Variants in SMKR1 observed in about 807,000 individuals in gnomAD.
SMKR1 encodes small lysine-rich protein 1.
SMKR1 carries 4 observed loss-of-function variants against 4.0 expected under a neutral mutation model. That is an observed-to-expected ratio of 1.00 (90% CI 0.49 to 2.30). SMKR1 has a LOEUF of 2.30. Ranked by LOEUF, SMKR1 falls within the 30% of genes most tolerant of loss-of-function variation. The probability of loss-of-function intolerance (pLI) is 0.02; values close to 1 mark genes in which losing one functional copy is unlikely to be tolerated. For missense variants in SMKR1, 56 were observed against 81.8 expected (o/e 0.68, Z 1.22); for synonymous variants, 38 against 32.5 (o/e 1.17, Z -0.58).
chr7:129,507,713 C>T (rs1296334015), intron 1 of SMKR1, among the ~76,000 whole-genome samples: 1 of 152,178 alleles, frequency 6.6e-6, no homozygotes, highest in South Asian at 2.1e-4. Context: ...TGACTTGAGC[C>T]ATTCCAAAAT....
chr7:129,512,067 C>G (rs1161599054), intron 1 of SMKR1, among the ~76,000 whole-genome samples, 180 bp from the exon 2 acceptor site: 2 of 151,964 alleles, frequency 1.3e-5, no homozygotes, highest in African/African-American at 4.8e-5. Context: ...CCTTGTAATC[C>G]CAGCTACTTG....
chr7:129,512,554 A>T lies in SMKR1; in HGVS notation c.*113A>T, dbSNP rs541225878. 1.9e-6 allele frequency: 2 copies of T among 1,061,578 alleles called. No homozygotes were observed. The highest frequency in any genetic ancestry group is 5.2e-4 in the Middle Eastern group (2 of 3,846). 65.8% of individuals were successfully genotyped at this position (1,061,578 alleles called of 1,614,324 possible). On this transcript the variant is annotated 3_prime_UTR_variant, in exon 2 of 2. Coordinates refer to ENST00000462322, the MANE Select transcript of SMKR1 (RefSeq NM_001195243.2). ...TTTACTCCAGACGACTTGAGATGCAAATTAAGTGTGCTTTTCTGTGATGGT... is the reference window on the plus strand; with the variant it reads ...TTTACTCCAGACGACTTGAGATGCATATTAAGTGTGCTTTTCTGTGATGGT...
At position 129,512,305 on chromosome 7, in the gene SMKR1, A is replaced by T. The variant is rs1380577584; in HGVS notation, c.62A>T (p.Lys21Ile). 2.6e-6 allele frequency: 4 copies of T among 1,535,494 alleles called. No homozygotes were observed. The Admixed American group carries it at 7.9e-5, about 30-fold the overall frequency. The part of the protein sequence containing the change: ...QGKSHGKKQK[K>I]PEVDILSPAA... ...AAGTCTCATGGGAAGAAACAGAAGA[A>T]ACCAGAAGTGGACATTCTCAGCCCC... Residue 21 changes from lysine to isoleucine, a missense_variant, in exon 2 of 2, where the codon AAA (lysine) becomes ATA (isoleucine). Physicochemically the swap from Lys to Ile is moderately radical, Grantham distance 102. Transcript: ENST00000462322.
At chr7:129,510,324 G>A (rs929367923) in intron 1 of SMKR1, among the ~76,000 whole-genome samples, 4 of 152,210 alleles carry the variant, frequency 2.6e-5, no homozygotes, top group African/African-American at 4.8e-5. Flanking sequence ...AATAGACACC[G>A]AGCCTGGTGG....
chr7:129,503,316 C>A (rs1035256396), intron 1 of SMKR1, among the ~76,000 whole-genome samples: 3 of 152,172 alleles, frequency 2.0e-5, no homozygotes, highest in African/African-American at 7.2e-5. Flanking sequence ...TCCTTCCAAC[C>A]CTCGCTGCTC....
chr7:129,511,102 G>T (rs148373242), intron 1 of SMKR1, among the ~76,000 whole-genome samples: 2 of 152,152 alleles, frequency 1.3e-5, no homozygotes, highest in African/African-American at 4.8e-5. Context: ...GAGCCACCGC[G>T]CCCAGCCTAT....
chr7:129,503,512 C>A (rs1799433181), intron 1 of SMKR1, among the ~76,000 whole-genome samples: 2 of 152,216 alleles, frequency 1.3e-5, no homozygotes, highest in Admixed American at 6.5e-5. Flanking sequence ...AACAAAAACC[C>A]TGCATCCCAC....
At position 129,504,052 on chromosome 7, in the gene SMKR1, G is replaced by A. The variant is rs555066321; in HGVS notation, c.3+1225G>A. Among the ~76,000 whole-genome samples, 16 of 152,090 alleles carry A rather than the reference G, an allele frequency of 1.1e-4. No homozygotes were observed. In the East Asian group the frequency reaches 2.5e-3, roughly 24 times the overall value. On this transcript the variant is annotated intron_variant, in intron 1 of 1. Coordinates refer to ENST00000462322, the MANE Select transcript of SMKR1 (RefSeq NM_001195243.2). ...CATGTTGCCCAGGCTGGTCTCAAAC[G>A]CCTGGGCTCAAGGGATCCGCCCGCC...
chr7:129,509,903 G>A (rs185446769), intron 1 of SMKR1, among the ~76,000 whole-genome samples: 6 of 152,258 alleles, frequency 3.9e-5, no homozygotes, highest in Admixed American at 2.6e-4. Context: ...TTTTTTGACC[G>A]CAATGCTGTG....
chr7:129,506,311 G>A (rs1036998784), intron 1 of SMKR1, among the ~76,000 whole-genome samples: 1 of 152,096 alleles, frequency 6.6e-6, no homozygotes, highest in Admixed American at 6.6e-5. Context: ...ACATGGTGGT[G>A]CAAATCTGTA....
intron 1 of SMKR1, among the ~76,000 whole-genome samples, chr7:129,509,866 A>G (rs1023125514): frequency 6.6e-6 from 1 of 152,222 alleles, no homozygotes; most frequent in Non-Finnish European, 1.5e-5. Flanking sequence ...CACATGAACT[A>G]TGTTCCTCTT....
At chr7:129,508,492 A>G (rs879462825) in intron 1 of SMKR1, among the ~76,000 whole-genome samples, 1 of 152,096 alleles carries the variant, frequency 6.6e-6, no homozygotes, top group African/African-American at 2.4e-5. Context: ...CCCAGGCTGG[A>G]GTGCAGTGGC....
intron 1 of SMKR1, among the ~76,000 whole-genome samples, chr7:129,510,266 T>C (rs954651867): frequency 2.6e-5 from 4 of 152,228 alleles, no homozygotes; most frequent in African/African-American, 7.2e-5. Context: ...ATGGTATCCA[T>C]TTATTTTCCC....
chr7:129,508,744 GGTTCTTTTTTCCTAA>G (rs1799494535), intron 1 of SMKR1, among the ~76,000 whole-genome samples: 1 of 152,038 alleles, frequency 6.6e-6, no homozygotes, highest in African/African-American at 2.4e-5. Flanking sequence ...GCACACAGCC[GGTTCTTTTTTCCTAA>G]GTCCGCTTTT....
chr7:129,507,005 C>G (rs1365713693), intron 1 of SMKR1, among the ~76,000 whole-genome samples: 1 of 151,336 alleles, frequency 6.6e-6, no homozygotes, highest in Non-Finnish European at 1.5e-5. Context: ...CATACCACCA[C>G]CACATCTGAC....
chr7:129,506,143 T>G (rs143470340), intron 1 of SMKR1, among the ~76,000 whole-genome samples: 2 of 152,308 alleles, frequency 1.3e-5, no homozygotes, highest in East Asian at 3.9e-4. Flanking sequence ...AAATTTTACA[T>G]GTTTAAAATG....
Position 129,505,539 on chromosome 7 carries a change from C to T in SMKR1, c.3+2712C>T, listed in dbSNP as rs545363702. Among the ~76,000 whole-genome samples, 6 of 151,474 alleles carry T rather than the reference C, an allele frequency of 4.0e-5. No individual in the cohort carries two copies. In the East Asian group the frequency reaches 5.8e-4, roughly 15 times the overall value. Reference sequence around the variant, plus strand: ...TGTCGCCCAGGCTGGAGTGCAATGGCGCGATCTCGGTTCACTGCAACCTCC... The same window carrying T: ...TGTCGCCCAGGCTGGAGTGCAATGGTGCGATCTCGGTTCACTGCAACCTCC... On this transcript the variant is annotated intron_variant, in intron 1 of 1. Transcript: ENST00000462322.
At position 129,512,341 on chromosome 7, in the gene SMKR1, T is replaced by C. The variant is rs1449867805; in HGVS notation, c.98T>C (p.Leu33Pro). 6 of 1,536,088 alleles carry C rather than the reference T, an allele frequency of 3.9e-6. No individual in the cohort carries two copies. The highest frequency in any genetic ancestry group is 1.2e-5 in the South Asian group (1 of 84,058). Residue 33 changes from leucine to proline, a missense_variant, in exon 2 of 2, where the codon CTG becomes CCG. By Grantham distance (98) the Leu-to-Pro change is moderately conservative. Coordinates refer to ENST00000462322, the MANE Select transcript of SMKR1 (RefSeq NM_001195243.2). ...EVDILSPAAM[L>P]NLYYIAHNVA... ...GACATTCTCAGCCCCGCGGCCATGC[T>C]GAACCTCTACTACATCGCCCACAAC...
intron 1 of SMKR1, among the ~76,000 whole-genome samples, chr7:129,507,084 G>C (rs1227886962): frequency 2.7e-5 from 4 of 150,246 alleles, no homozygotes; most frequent in Admixed American, 6.7e-5. Context: ...GGCTCAATCT[G>C]CGCTCACTGC....
Sources: gnomAD v4.1 joint callset for allele counts (sites outside exome capture counted in the v4.1 genomes callset) on GRCh38, gnomAD v4.1.1 for gene constraint, MANE v1.5 for transcripts, NCBI Gene and HGNC (gene_info 2026-07-23, HGNC 2026-07-21) for gene names.